CCDC178: variants seen among roughly 807,000 people sequenced by gnomAD.
CCDC178 encodes coiled-coil domain-containing protein 178.
Under a neutral mutation model 117.4 loss-of-function variants are expected in CCDC178, and 126 were observed. The ratio of observed to expected loss-of-function variants is 1.07; its 90% confidence interval spans 0.93 to 1.24. The LOEUF (loss-of-function observed/expected upper bound fraction) is 1.24. CCDC178 is among the 50% of genes most tolerant of loss of function. CCDC178 has a pLI of 0.00. For missense variants in CCDC178, 1,030 were observed against 986.9 expected, an observed-to-expected ratio of 1.04 and a Z score of -0.59; for synonymous variants, 283 against 313.4, an observed-to-expected ratio of 0.90 and a Z score of 1.02.
At chr18:33,222,394 G>A (rs536278740) in intron 18 of CCDC178, among the ~76,000 whole-genome samples, 72 of 151,598 alleles carry the variant, frequency 4.7e-4, no homozygotes, top group Admixed American at 1.5e-3. Flanking sequence ...GCCTTAGAAT[G>A]AGTACTTTAT....
chr18:33,067,231 T>C (rs1266663225), intron 21 of CCDC178, among the ~76,000 whole-genome samples: 3 of 151,906 alleles, frequency 2.0e-5, no homozygotes, highest in African/African-American at 7.3e-5. Context: ...ACATAGAAAT[T>C]AAACAACAAG....
At chr18:32,956,065 T>C (rs1036546367) in intron 22 of CCDC178, among the ~76,000 whole-genome samples, 1 of 152,132 alleles carries the variant, frequency 6.6e-6, no homozygotes, top group Admixed American at 6.6e-5. Context: ...TGCCTGAAAA[T>C]TGAGTTATGT....
chr18:32,980,729 G>A (rs1047492909), intron 21 of CCDC178, among the ~76,000 whole-genome samples: 1 of 151,968 alleles, frequency 6.6e-6, no homozygotes, highest in Non-Finnish European at 1.5e-5. Flanking sequence ...TTTAATAGTA[G>A]GATATGAATA....
chr18:33,133,352 G>A (rs547388045), intron 20 of CCDC178, among the ~76,000 whole-genome samples: 1 of 151,852 alleles, frequency 6.6e-6, no homozygotes, highest in African/African-American at 2.4e-5. Context: ...AGTTTAAACT[G>A]AGGAATGAAG....
chr18:32,978,203 ATTTTTTT>A (rs34863142), intron 21 of CCDC178, among the ~76,000 whole-genome samples: 92 of 90,040 alleles, frequency 1.0e-3, no homozygotes, highest in Admixed American at 1.1e-3. Context: ...CTCAAAAAAG[ATTTTTTT>A]TTTTTTTTTT....
Position 33,346,250 on chromosome 18 carries a change from C to A in CCDC178, c.619G>T (p.Val207Phe). ...MINMKIDSWS[V>F]WKLQELPLAV... ...AATGGGAGTTCTTGAAGTTTCCAGA[C>A]TGACCAAGAGTCAATTTTCATGTTA... is the stretch of plus-strand genomic sequence containing the variant. Residue 207 changes from valine (V) to phenylalanine (F), a missense_variant, in exon 9 of 23, where the codon GTC becomes TTC. Val to Phe is a conservative substitution (Grantham distance 50). Transcript: ENST00000383096. The A allele has an allele frequency of 6.2e-7, 1 of 1,613,920 alleles. No individual in the cohort carries two copies.
chr18:33,335,499 G>GC (rs2062727275), intron 9 of CCDC178, among the ~76,000 whole-genome samples: 1 of 151,704 alleles, frequency 6.6e-6, no homozygotes, highest in East Asian at 1.9e-4. Flanking sequence ...TATTCATGAT[G>GC]CCCTCTCATT....
chr18:33,177,247 C>T (rs960540309), intron 20 of CCDC178, among the ~76,000 whole-genome samples: 2 of 152,016 alleles, frequency 1.3e-5, no homozygotes, highest in African/African-American at 4.8e-5. Context: ...AGGACAAATA[C>T]CTAGGGCATG....
intron 14 of CCDC178, among the ~76,000 whole-genome samples, chr18:33,252,754 C>T (rs553458411): frequency 6.6e-6 from 1 of 151,750 alleles, no homozygotes; most frequent in African/African-American, 2.4e-5. Context: ...GCCAATATAT[C>T]TCTATATTAT....
intron 21 of CCDC178, among the ~76,000 whole-genome samples, chr18:32,978,203 A>ATTTTTTTTTTTTTT (rs34863142): frequency 1.1e-5 from 1 of 90,022 alleles, no homozygotes; most frequent in African/African-American, 4.1e-5. Flanking sequence ...CTCAAAAAAG[A>ATTTTTTTTTTTTTT]TTTTTTTTTT....
intron 9 of CCDC178, among the ~76,000 whole-genome samples, chr18:33,345,438 C>A (rs915751142): frequency 2.0e-5 from 3 of 152,136 alleles, no homozygotes; most frequent in Admixed American, 1.3e-4. Flanking sequence ...ACACTTGCTA[C>A]CTGCATGACT....
chr18:33,040,725 G>GT (rs2056533061), intron 21 of CCDC178, among the ~76,000 whole-genome samples: 1 of 151,936 alleles, frequency 6.6e-6, no homozygotes, highest in Non-Finnish European at 1.5e-5. Flanking sequence ...AGGAAAAAAA[G>GT]TATGAGTTGA....
At chr18:33,292,523 C>T (rs751530089) in intron 12 of CCDC178, among the ~76,000 whole-genome samples, 2 of 151,912 alleles carry the variant, frequency 1.3e-5, no homozygotes, top group Non-Finnish European at 2.9e-5. Flanking sequence ...TAGAGTGACT[C>T]TAGTTAATAA....
intron 12 of CCDC178, among the ~76,000 whole-genome samples, chr18:33,268,376 T>C (rs1011955308): frequency 6.6e-6 from 1 of 151,910 alleles, no homozygotes; most frequent in Non-Finnish European, 1.5e-5. Context: ...AGAGAAGTTG[T>C]TTAATTAATG....
At chr18:33,330,074 A>ATTTATTG (rs2062644528) in intron 10 of CCDC178, among the ~76,000 whole-genome samples, 1 of 150,622 alleles carries the variant, frequency 6.6e-6, no homozygotes, top group African/African-American at 2.4e-5. Flanking sequence ...AGGTTATCTA[A>ATTTATTG]TTTGTTGGCA....
intron 5 of CCDC178, among the ~76,000 whole-genome samples, chr18:33,386,928 CTTTG>C (rs1423251286): frequency 6.6e-6 from 1 of 152,106 alleles, no homozygotes; most frequent in African/African-American, 2.4e-5. Context: ...TTCAAATTGT[CTTTG>C]TTTGAGGATG....
intron 11 of CCDC178, 128 bp from the exon 12 acceptor site, chr18:33,293,440 G>C: frequency 2.1e-6 from 1 of 472,756 alleles, no homozygotes; most frequent in Non-Finnish European, 3.6e-6. Flanking sequence ...GTAGCAGATG[G>C]CTTGAGTCCA....
At chr18:33,172,846 T>C (rs147706125) in intron 20 of CCDC178, among the ~76,000 whole-genome samples, 25 of 152,302 alleles carry the variant, frequency 1.6e-4, no homozygotes, top group African/African-American at 5.5e-4. Context: ...CTTTCACTTA[T>C]GAAGAAATGT....
intron 22 of CCDC178, among the ~76,000 whole-genome samples, chr18:32,969,406 A>G (rs2054879488): frequency 6.6e-6 from 1 of 152,034 alleles, no homozygotes. Flanking sequence ...TCTGAACACC[A>G]GAAGTGCACG....
Sources: gnomAD v4.1 joint callset for allele counts (sites outside exome capture counted in the v4.1 genomes callset) on GRCh38, gnomAD v4.1.1 for gene constraint, MANE v1.5 for transcripts, NCBI Gene and HGNC (gene_info 2026-07-23, HGNC 2026-07-21) for gene names.